Variants in HERC1 observed in about 807,000 individuals in gnomAD.
The protein encoded by HERC1 is probable E3 ubiquitin-protein ligase HERC1.
Under a neutral mutation model 554.3 loss-of-function variants are expected in HERC1, and 160 were observed. That is an observed-to-expected ratio of 0.29 (90% CI 0.25 to 0.33). The LOEUF is 0.33. Among genes scored for constraint, HERC1 ranks in the 10% least tolerant of loss-of-function variants. The probability of loss-of-function intolerance (pLI) is 1.00; values close to 1 mark genes in which losing one functional copy is unlikely to be tolerated. For synonymous variants in HERC1, 2,175 were observed against 2,131.7 expected (o/e 1.02, Z -0.56); for missense variants, 4,919 against 5,918.5 (o/e 0.83, Z 5.54).
At chr15:63,703,202 C>T (rs945034949) in intron 25 of HERC1, among the ~76,000 whole-genome samples, 11 of 152,100 alleles carry the variant, frequency 7.2e-5, no homozygotes, top group African/African-American at 2.7e-4. Context: ...TTTCTTTGCC[C>T]CTTCCTACAT....
chr15:63,666,889 A>G (rs1227311565), intron 40 of HERC1, among the ~76,000 whole-genome samples: 1 of 152,196 alleles, frequency 6.6e-6, no homozygotes, highest in African/African-American at 2.4e-5. Context: ...CTCTGCCTTC[A>G]TGTTTCAGCT....
chr15:63,806,320 T>C (rs1474370619), intron 1 of HERC1, among the ~76,000 whole-genome samples: 2 of 152,040 alleles, frequency 1.3e-5, no homozygotes, highest in African/African-American at 4.8e-5. Flanking sequence ...CCTGTCAAAA[T>C]CCACACTTTT....
In HERC1 at chr15:63,692,455, C is replaced by A; in HGVS notation, c.5786G>T (p.Trp1929Leu). The change falls in exon 31 of 78, where the codon TGG (tryptophan) becomes TTG (leucine). Residue 1929 changes from tryptophan to leucine, a missense_variant. By Grantham distance (61) the Trp-to-Leu change is moderately conservative (BLOSUM62 -2). This residue lies in a region of HERC1 where 1,121 missense variants were observed against 1,244.0 expected (regional missense o/e 0.90). Transcript: ENST00000443617. The surrounding 1 kb of genome is among the most constrained non-coding windows in gnomAD (Gnocchi z 4.7). ...AIQSKMASPK[W>L]TEVLLNIASQ... ...TGCTATATTTAGAAGCACTTCGGTCCACTTTGGGGAAGCCATTTTTGATTG... is the reference window on the plus strand; with the variant it reads ...TGCTATATTTAGAAGCACTTCGGTCAACTTTGGGGAAGCCATTTTTGATTG... The A allele has an allele frequency of 6.2e-7, 1 of 1,611,902 alleles. No individual in the cohort carries two copies.
At chr15:63,650,115 T>G (rs1263474134) in intron 53 of HERC1, among the ~76,000 whole-genome samples, 190 bp from the exon 54 acceptor site, 1 of 151,870 alleles carries the variant, frequency 6.6e-6, no homozygotes, top group African/African-American at 2.4e-5. Context: ...AAAATTAAAG[T>G]TTTTCAGCCG....
intron 1 of HERC1, among the ~76,000 whole-genome samples, chr15:63,790,554 G>A (rs893002039): frequency 9.9e-5 from 15 of 151,984 alleles, no homozygotes; most frequent in Non-Finnish European, 1.6e-4. Context: ...CTCCAGCCTG[G>A]GCGACACAGC....
In HERC1 at chr15:63,616,197, C is replaced by CT. The variant is rs1303321595; in HGVS notation, c.13941+232dup. ...TCCCCTTCCACCTTGGTTCTTCACT[C>CT]TAACAGGCAGAAAAAAATTAAGGGG... On this transcript the variant is annotated intron_variant, in intron 75 of 77. Coordinates refer to ENST00000443617, the MANE Select transcript of HERC1 (RefSeq NM_003922.4). 2.6e-5 allele frequency among the ~76,000 whole-genome samples: 4 copies of CT among 151,634 alleles called. No individual in the cohort carries two copies. In the South Asian group the frequency reaches 6.3e-4, roughly 24 times the overall value.
At chr15:63,783,056 G>A (rs1161682751) in intron 1 of HERC1, among the ~76,000 whole-genome samples, 3 of 152,188 alleles carry the variant, frequency 2.0e-5, no homozygotes, top group African/African-American at 7.2e-5. Context: ...AAGATGCTGT[G>A]AATATTACTG....
chr15:63,713,476 T>A lies in HERC1; in HGVS notation c.4340A>T (p.His1447Leu), dbSNP rs1448622171. The change falls in exon 23 of 78, where the codon CAT (histidine) becomes CTT (leucine). Residue 1447 changes from histidine (H) to leucine (L), a missense_variant. Physicochemically the swap from His to Leu is moderately conservative, Grantham distance 99. Transcript: ENST00000443617. ...TCCTAATATTAACAGGGCACACCGA[T>A]GGATCACGGAGTTGCATGCAGCAGT... ...VYTAACNSVI[H>L]RCALLILGVS... is the part of the protein sequence containing the mutation. 2 of 1,614,012 alleles carry A rather than the reference T, an allele frequency of 1.2e-6. No homozygotes were observed. Among genetic ancestry groups the A allele is most frequent in the South Asian group, 2.2e-5 (2 of 91,084 alleles).
chr15:63,657,990 T>A lies in HERC1; in HGVS notation c.9599+554A>T, dbSNP rs567893544. On this transcript the variant is annotated intron_variant, in intron 48 of 77. Coordinates refer to ENST00000443617, the MANE Select transcript of HERC1 (RefSeq NM_003922.4). Reference sequence around the variant, plus strand: ...TCAGTTTCTTAACTCTCTTCTGTACTATCCTATTTGCCTATCCTTGAGCCA... The same window carrying A: ...TCAGTTTCTTAACTCTCTTCTGTACAATCCTATTTGCCTATCCTTGAGCCA... 3.9e-5 allele frequency among the ~76,000 whole-genome samples: 6 copies of A among 152,386 alleles called. No homozygotes were observed. The East Asian group carries it at 1.2e-3, about 29-fold the overall frequency.
In HERC1 at chr15:63,651,464, A is replaced by G. The variant is rs2069671939; in HGVS notation, c.10419-84T>C. On this transcript the variant is annotated intron_variant, in intron 52 of 77. Coordinates refer to ENST00000443617, the MANE Select transcript of HERC1 (RefSeq NM_003922.4). ...TCCCAAACCTTAAAATAAGGGTTTC[A>G]TATAGACTAGAGTGTATAACTGATT... The G allele has an allele frequency of 2.2e-6, 3 of 1,335,588 alleles. No homozygotes were observed. In the Admixed American group the frequency reaches 6.2e-5, roughly 28 times the overall value. 82.7% of individuals were successfully genotyped at this position (1,335,588 alleles called of 1,614,324 possible).
In HERC1 at chr15:63,612,163, G is replaced by C. The variant is rs1295001150; in HGVS notation, c.14400+88C>G. 1 of 1,211,638 alleles carries C rather than the reference G, an allele frequency of 8.3e-7. No individual in the cohort carries two copies. The highest frequency in any genetic ancestry group is 1.1e-6 in the Non-Finnish European group (1 of 871,578). 75.1% of individuals were successfully genotyped at this position (1,211,638 alleles called of 1,614,324 possible). On this transcript the variant is annotated intron_variant, in intron 77 of 77. Transcript: ENST00000443617. The surrounding 1 kb of genome is among the most constrained non-coding windows in gnomAD (Gnocchi z 5.0). ...AAATCATGCCACTGCACTCCAGCCT[G>C]GGCCACAGAGTGAGACCCTGTCTCA...
At chr15:63,824,242 A>C (rs1164033884) in intron 1 of HERC1, among the ~76,000 whole-genome samples, 1 of 152,150 alleles carries the variant, frequency 6.6e-6, no homozygotes, top group Non-Finnish European at 1.5e-5. Context: ...TTTCTCAAAA[A>C]ATTAAAAAGG....
In HERC1 at chr15:63,727,556, A is replaced by G. The variant is rs1285050278; in HGVS notation, c.3346+91T>C. 7 of 851,632 alleles carry G rather than the reference A, an allele frequency of 8.2e-6. No individual in the cohort carries two copies. Among genetic ancestry groups the G allele is most frequent in the Non-Finnish European group, 1.3e-5 (7 of 550,972 alleles). 52.8% of individuals were successfully genotyped at this position (851,632 alleles called of 1,614,324 possible). The stretch of plus-strand genomic sequence containing the variant: ...GAAATTCCTTTGATAGCCTTAGGAT[A>G]GATAGACTCCAATGGAAAAACACAG... On this transcript the variant is annotated intron_variant, in intron 17 of 77. Transcript: ENST00000443617. The surrounding 1 kb of genome is among the most constrained non-coding windows in gnomAD (Gnocchi z 4.3).
intron 1 of HERC1, among the ~76,000 whole-genome samples, chr15:63,797,523 C>T (rs1456363590): frequency 6.6e-6 from 1 of 152,216 alleles, no homozygotes; most frequent in African/African-American, 2.4e-5. Flanking sequence ...GTTTTTCACA[C>T]TCCAATCATT....
At position 63,718,583 on chromosome 15, in the gene HERC1, C is replaced by A; in HGVS notation, c.3969G>T (p.Arg1323=). ...TGATTTCAAACTTTACCCATCTGTC[C>A]CGTGATGATGACCTTGTTTGAATAA... ...LELIQTRSSS[R]DRWISENQDS... The change falls in exon 21 of 78, where the codon CGG becomes CGT. Residue 1323 remains arginine (R), a synonymous_variant. Coordinates refer to ENST00000443617, the MANE Select transcript of HERC1 (RefSeq NM_003922.4). This position sits in a 1 kb window ranked among gnomAD's most constrained non-coding sequence, Gnocchi z 4.2. The A allele has an allele frequency of 6.3e-7, 1 of 1,577,268 alleles. No individual in the cohort carries two copies. Among genetic ancestry groups the A allele is most frequent in the South Asian group, 1.2e-5 (1 of 86,468 alleles).
chr15:63,789,085 T>G (rs1233815376), intron 1 of HERC1, among the ~76,000 whole-genome samples: 99 of 104,916 alleles, frequency 9.4e-4, no homozygotes, highest in African/African-American at 4.1e-3. Context: ...AAGGTTTTTT[T>G]TTTTTTTTTT....
At chr15:63,615,392 T>G (rs1474690170) in intron 76 of HERC1, among the ~76,000 whole-genome samples, 2 of 152,178 alleles carry the variant, frequency 1.3e-5, no homozygotes, top group Non-Finnish European at 2.9e-5. Flanking sequence ...GTGGATCACT[T>G]GAGGCCAGGA....
intron 2 of HERC1, among the ~76,000 whole-genome samples, chr15:63,770,992 C>A (rs544606144): frequency 4.1e-4 from 62 of 152,224 alleles, no homozygotes; most frequent in African/African-American, 1.2e-3. Context: ...AGTTCGAGAC[C>A]AGCCTGGCCA....
At chr15:63,776,988 T>A (rs952186825) in intron 1 of HERC1, among the ~76,000 whole-genome samples, 7 of 152,166 alleles carry the variant, frequency 4.6e-5, no homozygotes, top group African/African-American at 1.7e-4. Flanking sequence ...TTGACATATA[T>A]TTTTTATATA....
Sources: gnomAD v4.1 joint callset for allele counts (sites outside exome capture counted in the v4.1 genomes callset) on GRCh38, gnomAD v4.1.1 for gene constraint, gnomAD v4.1.1 regional missense constraint, Gnocchi (gnomAD v3.1) non-coding constraint, MANE v1.5 for transcripts, NCBI Gene and HGNC (gene_info 2026-07-23, HGNC 2026-07-21) for gene names.